The following PLCL2 variants were observed in gnomAD, a reference collection of about 807,000 sequenced individuals.
PLCL2 encodes inactive phospholipase C-like protein 2.
In PLCL2, 4 loss-of-function variants were observed where a neutral mutation model predicts 79.6. The ratio of observed to expected loss-of-function variants is 0.05; its 90% CI spans 0.02 to 0.11. PLCL2 has a LOEUF of 0.11. Ranked by LOEUF, PLCL2 falls within the 10% of genes least tolerant of loss-of-function variation. The probability of loss-of-function intolerance (pLI) is 1.00; values close to 1 mark genes in which losing one functional copy is unlikely to be tolerated. For missense variants in PLCL2, 895 were observed against 1,291.0 expected (o/e 0.69, Z 4.70); for synonymous variants, 484 against 457.7 (o/e 1.06, Z -0.73).
At chr3:17,034,001 C>A (rs1387210821) in intron 3 of PLCL2, among the ~76,000 whole-genome samples, 1 of 152,150 alleles carries the variant, frequency 6.6e-6, no homozygotes, top group Non-Finnish European at 1.5e-5. Flanking sequence ...AACTGTCATA[C>A]TGCAGTTACA....
chr3:17,021,714 A>G (rs2064457242), intron 3 of PLCL2, among the ~76,000 whole-genome samples: 2 of 152,152 alleles, frequency 1.3e-5, no homozygotes, highest in African/African-American at 4.8e-5. Context: ...TTAATCACAT[A>G]GCATCACAGA....
At position 17,057,614 on chromosome 3, in the gene PLCL2, G is replaced by A. The variant is rs188114587; in HGVS notation, c.3095-10342G>A. Among the ~76,000 whole-genome samples, 28 of 152,318 alleles carry A rather than the reference G, an allele frequency of 1.8e-4. No homozygotes were observed. In the East Asian group the frequency reaches 5.4e-3, roughly 29 times the overall value. On this transcript the variant is annotated intron_variant, in intron 4 of 5. Coordinates refer to ENST00000615277, the MANE Select transcript of PLCL2 (RefSeq NM_001144382.2). ...GCTTCAGATAGAGATGAGGCCTACA[G>A]ATAGAATTGGCTGTCATCCAAATAG...
chr3:17,052,814 G>A (rs78539079), intron 4 of PLCL2, among the ~76,000 whole-genome samples: 28,490 of 151,988 alleles, frequency 0.19, 3,151 homozygotes, highest in East Asian at 0.54. Flanking sequence ...TCTCTTCCTC[G>A]TGATTTTCTT....
chr3:16,920,386 T>C (rs1438617710), intron 1 of PLCL2, among the ~76,000 whole-genome samples: 1 of 152,142 alleles, frequency 6.6e-6, no homozygotes, highest in Non-Finnish European at 1.5e-5. Context: ...GCATTATTAG[T>C]ATTGTATAAT....
chr3:16,987,879 A>G (rs2064066130), intron 1 of PLCL2, among the ~76,000 whole-genome samples: 3 of 152,224 alleles, frequency 2.0e-5, no homozygotes, highest in Non-Finnish European at 4.4e-5. Context: ...TAGATGGAAA[A>G]TTAAAGTAAA....
At chr3:17,042,546 ACT>A (rs1003345271) in intron 3 of PLCL2, among the ~76,000 whole-genome samples, 2 of 152,216 alleles carry the variant, frequency 1.3e-5, no homozygotes, top group Non-Finnish European at 2.9e-5. Flanking sequence ...AAATTTTAAA[ACT>A]CAGATCAGAT....
chr3:16,901,198 A>G (rs1340216715), intron 1 of PLCL2, among the ~76,000 whole-genome samples: 5 of 152,244 alleles, frequency 3.3e-5, no homozygotes, highest in African/African-American at 1.2e-4. Context: ...CCAATAAAGC[A>G]ACAGTATCTC....
chr3:16,915,828 T>C (rs1696981480), intron 1 of PLCL2, among the ~76,000 whole-genome samples: 1 of 152,122 alleles, frequency 6.6e-6, no homozygotes, highest in Non-Finnish European at 1.5e-5. Context: ...CTAACAGCTT[T>C]GTGAAAGGAG....
At chr3:17,054,072 C>G (rs1217514494) in intron 4 of PLCL2, among the ~76,000 whole-genome samples, 1 of 152,154 alleles carries the variant, frequency 6.6e-6, no homozygotes, top group East Asian at 1.9e-4. Context: ...GGTCATTTCT[C>G]TTCCTGTGCA....
At chr3:16,964,788 T>G (rs1026604929) in intron 1 of PLCL2, among the ~76,000 whole-genome samples, 1 of 152,182 alleles carries the variant, frequency 6.6e-6, no homozygotes, top group African/African-American at 2.4e-5. Context: ...GAGCATTTTT[T>G]CATGTGTCTG....
At chr3:16,981,398 A>G (rs2124988272) in intron 1 of PLCL2, among the ~76,000 whole-genome samples, 1 of 152,370 alleles carries the variant, frequency 6.6e-6, no homozygotes, top group African/African-American at 2.4e-5. Context: ...AAGAGTCAAC[A>G]GTAATCTAAT....
chr3:16,919,330 C>A (rs1261769461), intron 1 of PLCL2, among the ~76,000 whole-genome samples: 1 of 152,050 alleles, frequency 6.6e-6, no homozygotes, highest in Non-Finnish European at 1.5e-5. Flanking sequence ...GCATAATGTT[C>A]ATCAAATTAT....
intron 4 of PLCL2, among the ~76,000 whole-genome samples, chr3:17,061,146 G>T (rs1195828550): frequency 6.6e-6 from 1 of 152,160 alleles, no homozygotes; most frequent in African/African-American, 2.4e-5. Context: ...ATCCCAACCA[G>T]AATGTTTGAA....
intron 1 of PLCL2, among the ~76,000 whole-genome samples, chr3:16,930,910 TACA>T (rs1423457597): frequency 1.3e-5 from 2 of 152,208 alleles, no homozygotes; most frequent in Non-Finnish European, 2.9e-5. Context: ...AACTCCCGTG[TACA>T]TTTGACTACT....
intron 4 of PLCL2, among the ~76,000 whole-genome samples, chr3:17,045,918 A>G (rs1464484835): frequency 6.6e-6 from 1 of 152,172 alleles, no homozygotes; most frequent in Non-Finnish European, 1.5e-5. Flanking sequence ...AAGTAGTGTC[A>G]TAGGAGAACA....
At chr3:16,913,468 AG>A (rs1197434998) in intron 1 of PLCL2, among the ~76,000 whole-genome samples, 1 of 151,946 alleles carries the variant, frequency 6.6e-6, no homozygotes, top group South Asian at 2.1e-4. Context: ...TTATATTTTC[AG>A]ATTATTGCTG....
At chr3:16,967,130 G>A (rs1299005724) in intron 1 of PLCL2, among the ~76,000 whole-genome samples, 2 of 152,102 alleles carry the variant, frequency 1.3e-5, no homozygotes, top group Non-Finnish European at 2.9e-5. Context: ...GTATTCCATG[G>A]TGTATATGTA....
In PLCL2 at chr3:16,954,659, C is replaced by A. The variant is rs1300161518; in HGVS notation, c.328-55015C>A. 5.9e-5 allele frequency among the ~76,000 whole-genome samples: 9 copies of A among 152,208 alleles called. 1 individual carries two copies. The South Asian group carries it at 1.7e-3, about 28-fold the overall frequency. On this transcript the variant is annotated intron_variant, in intron 1 of 5. Coordinates refer to ENST00000615277, the MANE Select transcript of PLCL2 (RefSeq NM_001144382.2). ...GTCCCACCAACAGTGTAAAAGTGTT[C>A]CTATTTCTCCACATCCTCTCCAGCA...
chr3:16,980,328 C>T (rs1379451123), intron 1 of PLCL2, among the ~76,000 whole-genome samples: 3 of 150,694 alleles, frequency 2.0e-5, no homozygotes, highest in Non-Finnish European at 3.0e-5. Flanking sequence ...AGACGCTCCT[C>T]ACTTCCCAGA....
Sources: gnomAD v4.1 joint callset for allele counts (sites outside exome capture counted in the v4.1 genomes callset) on GRCh38, gnomAD v4.1.1 for gene constraint, MANE v1.5 for transcripts, NCBI Gene and HGNC (gene_info 2026-07-23, HGNC 2026-07-21) for gene names.